Variants in PPP1R9A observed in about 807,000 individuals in gnomAD.
PPP1R9A encodes protein phosphatase 1 regulatory subunit 9A.
In PPP1R9A, 59 loss-of-function variants were observed where a neutral mutation model predicts 141.9. That is an observed-to-expected ratio of 0.42 (90% CI 0.34 to 0.52). The LOEUF (loss-of-function observed/expected upper bound fraction) is 0.52. PPP1R9A is among the 20% of genes least tolerant of loss of function. The pLI, the probability that PPP1R9A is intolerant of heterozygous loss-of-function variation, is 0.10. For missense variants in PPP1R9A, 1,444 were observed against 1,611.9 expected (o/e 0.90, Z 1.78); for synonymous variants, 500 against 569.7 (o/e 0.88, Z 1.74).
At chr7:94,914,469 C>T (rs1322498590) in intron 2 of PPP1R9A, among the ~76,000 whole-genome samples, 1 of 152,138 alleles carries the variant, frequency 6.6e-6, no homozygotes, top group Non-Finnish European at 1.5e-5. Context: ...ACTGTATTGC[C>T]AGCCATCAGT....
chr7:94,989,767 A>G (rs1801278258), intron 2 of PPP1R9A, among the ~76,000 whole-genome samples: 1 of 152,112 alleles, frequency 6.6e-6, no homozygotes, highest in Non-Finnish European at 1.5e-5. Flanking sequence ...GTTTTCTTAT[A>G]CAACTTATTT....
chr7:95,095,536 A>G (rs189116237), intron 2 of PPP1R9A, among the ~76,000 whole-genome samples: 57 of 152,294 alleles, frequency 3.7e-4, no homozygotes, highest in African/African-American at 1.1e-3. Flanking sequence ...AGTTTTTCCA[A>G]TAAGTAAGGG....
At chr7:95,109,868 G>A (rs1049476928) in intron 2 of PPP1R9A, among the ~76,000 whole-genome samples, 26 of 151,198 alleles carry the variant, frequency 1.7e-4, no homozygotes, top group Non-Finnish European at 4.4e-5. Context: ...AAAAGAAAAA[G>A]AAAAATATTA....
At chr7:94,979,555 T>C (rs12538626) in intron 2 of PPP1R9A, among the ~76,000 whole-genome samples, 14,988 of 152,202 alleles carry the variant, frequency 0.098, 834 homozygotes, top group East Asian at 0.17. Flanking sequence ...TTAAAAAAAG[T>C]TTTTTAGAAA....
intron 2 of PPP1R9A, among the ~76,000 whole-genome samples, chr7:94,996,993 G>A (rs192166516): frequency 1.3e-5 from 2 of 151,982 alleles, no homozygotes; most frequent in East Asian, 3.9e-4. Flanking sequence ...GTAGAGACAC[G>A]GGGTTTCACC....
intron 2 of PPP1R9A, among the ~76,000 whole-genome samples, chr7:95,013,413 T>C (rs3801924): frequency 0.39 from 59,885 of 151,942 alleles, 12,758 homozygotes; most frequent in East Asian, 0.77. Context: ...TTTTGTTCCA[T>C]GGACTATCAT....
At chr7:95,242,218 T>C (rs1220553798) in intron 8 of PPP1R9A, among the ~76,000 whole-genome samples, 1 of 152,200 alleles carries the variant, frequency 6.6e-6, no homozygotes, top group East Asian at 1.9e-4. Flanking sequence ...AGCTATATTG[T>C]TGTAGGTAAG....
chr7:95,245,022 A>C (rs1585431369), intron 8 of PPP1R9A, among the ~76,000 whole-genome samples: 2 of 152,204 alleles, frequency 1.3e-5, no homozygotes, highest in Non-Finnish European at 2.9e-5. Context: ...ACTACTCTTC[A>C]TGCTTGGCAC....
intron 2 of PPP1R9A, among the ~76,000 whole-genome samples, chr7:94,953,366 G>C (rs969080240): frequency 5.3e-5 from 8 of 152,128 alleles, no homozygotes; most frequent in African/African-American, 1.4e-4. Flanking sequence ...CTGTAGCCTT[G>C]TAGTATAATT....
intron 2 of PPP1R9A, among the ~76,000 whole-genome samples, chr7:94,954,098 T>A (rs1359446470): frequency 1.3e-5 from 2 of 151,520 alleles, no homozygotes; most frequent in African/African-American, 4.8e-5. Flanking sequence ...CTGTGGGTTT[T>A]TTCCTTCTAT....
At chr7:95,247,050 C>G (rs535516637) in intron 8 of PPP1R9A, among the ~76,000 whole-genome samples, 12 of 152,148 alleles carry the variant, frequency 7.9e-5, no homozygotes, top group Non-Finnish European at 1.8e-4. Flanking sequence ...ATAGCGCCAC[C>G]TTTCTTGCAG....
intron 2 of PPP1R9A, among the ~76,000 whole-genome samples, chr7:94,971,111 G>C (rs917120631): frequency 1.3e-5 from 2 of 151,720 alleles, no homozygotes; most frequent in African/African-American, 4.8e-5. Context: ...GGACAAAAGA[G>C]AAAAAAAAGC....
At chr7:95,047,395 A>G (rs1349613452) in intron 2 of PPP1R9A, among the ~76,000 whole-genome samples, 2 of 152,046 alleles carry the variant, frequency 1.3e-5, no homozygotes, top group African/African-American at 4.8e-5. Context: ...CTTGCTAGAA[A>G]CCTTTCTTTT....
chr7:95,137,934 CTTTTT>C (rs1041692626), intron 4 of PPP1R9A, among the ~76,000 whole-genome samples: 1 of 134,532 alleles, frequency 7.4e-6, no homozygotes, highest in Non-Finnish European at 1.6e-5. Flanking sequence ...TTCTTTTTTT[CTTTTT>C]TTTTTTTTTT....
intron 2 of PPP1R9A, among the ~76,000 whole-genome samples, chr7:95,068,629 A>G (rs1405737233): frequency 6.6e-6 from 1 of 152,180 alleles, no homozygotes; most frequent in Non-Finnish European, 1.5e-5. Flanking sequence ...AAAATGTCAG[A>G]GCCAGCCCCA....
intron 2 of PPP1R9A, among the ~76,000 whole-genome samples, chr7:94,913,191 G>A (rs902575904): frequency 2.6e-5 from 4 of 152,154 alleles, no homozygotes; most frequent in Admixed American, 2.0e-4. Context: ...TGGGACACCA[G>A]CCTGTATTTG....
At chr7:95,050,641 G>A (rs571541721) in intron 2 of PPP1R9A, among the ~76,000 whole-genome samples, 17 of 152,264 alleles carry the variant, frequency 1.1e-4, no homozygotes, top group Admixed American at 3.3e-4. Flanking sequence ...CAGGAGAATC[G>A]CTTGAACCTG....
chr7:94,970,408 C>G (rs1451157194), intron 2 of PPP1R9A, among the ~76,000 whole-genome samples: 3 of 152,154 alleles, frequency 2.0e-5, no homozygotes, highest in Non-Finnish European at 4.4e-5. Flanking sequence ...AGGGAGTTCC[C>G]TGACCCCTTG....
At chr7:94,986,395 G>A (rs1380807725) in intron 2 of PPP1R9A, among the ~76,000 whole-genome samples, 1 of 152,144 alleles carries the variant, frequency 6.6e-6, no homozygotes, top group Non-Finnish European at 1.5e-5. Flanking sequence ...GTCAGGCACA[G>A]AAAGATAAAT....
Sources: gnomAD v4.1 joint callset for allele counts (sites outside exome capture counted in the v4.1 genomes callset) on GRCh38, gnomAD v4.1.1 for gene constraint, MANE v1.5 for transcripts, NCBI Gene and HGNC (gene_info 2026-07-23, HGNC 2026-07-21) for gene names.